The following NBAS variants were observed in gnomAD, a reference collection of about 807,000 sequenced individuals.
NBAS encodes NAG/BC035112 fusion.
Under a neutral mutation model 302.5 loss-of-function variants are expected in NBAS, and 219 were observed. That is an observed-to-expected ratio of 0.72 (90% CI 0.65 to 0.81). The LOEUF is 0.81. NBAS is among the 30% of genes least tolerant of loss of function. NBAS has a pLI of 0.00. For synonymous variants in NBAS, 1,118 were observed against 1,021.6 expected, an observed-to-expected ratio of 1.09 and a Z score of -1.80; for missense variants, 2,932 against 2,841.6, an observed-to-expected ratio of 1.03 and a Z score of -0.72.
the NBAS span, among the ~76,000 whole-genome samples, chr2:15,065,366 C>T: frequency 6.6e-6 from 1 of 152,240 alleles, no homozygotes; most frequent in South Asian, 2.1e-4. Context: ...TCTCTCAGCA[C>T]TTCTACTCAA....
chr2:15,085,428 C>T, the NBAS span, among the ~76,000 whole-genome samples: 1 of 152,248 alleles, frequency 6.6e-6, no homozygotes, highest in South Asian at 2.1e-4. Context: ...GCCTGGGGCC[C>T]GATCCCCTCA....
the NBAS span, among the ~76,000 whole-genome samples, chr2:14,970,559 G>A: frequency 1.9e-3 from 297 of 152,328 alleles, 1 homozygote; most frequent in Admixed American, 4.1e-3. Flanking sequence ...ATAGAACACA[G>A]GAGTAGGCAG....
the NBAS span, among the ~76,000 whole-genome samples, chr2:15,095,319 TG>T: frequency 6.6e-6 from 1 of 152,180 alleles, no homozygotes; most frequent in African/African-American, 2.4e-5. Flanking sequence ...TCCACGTGCC[TG>T]GGGAGGCCTC....
chr2:15,229,347 C>CAAAAAA lies in NBAS; in HGVS notation c.6236+3069_6236+3074dup, dbSNP rs61152926. Among the ~76,000 whole-genome samples the CAAAAAA allele has an allele frequency of 5.1e-4, 39 of 76,914 alleles. 1 individual carries two copies. The highest frequency in any genetic ancestry group is 1.5e-3 in the East Asian group (4 of 2,612). 50.5% of individuals were successfully genotyped at this position (76,914 alleles called of 152,430 possible). ...CACTGCAAGACTCTGTCTCAAAAAA[C>CAAAAAA]AAAAAAAAAAAAAAAAAAAAAAAAA... On this transcript the variant is annotated intron_variant, in intron 47 of 51. Transcript: ENST00000281513.
At chr2:15,328,638 T>C (rs1412637085) in intron 36 of NBAS, among the ~76,000 whole-genome samples, 1 of 152,220 alleles carries the variant, frequency 6.6e-6, no homozygotes, top group Non-Finnish European at 1.5e-5. Context: ...TGAGTTTTTA[T>C]ACTACAGTCA....
chr2:15,170,347 C>A (rs893375305), intron 51 of NBAS, among the ~76,000 whole-genome samples: 4 of 152,220 alleles, frequency 2.6e-5, no homozygotes, highest in Admixed American at 1.3e-4. Context: ...TGGGGAAGGG[C>A]AGGGTAGGCT....
chr2:15,213,927 C>T (rs575607172), intron 48 of NBAS, among the ~76,000 whole-genome samples: 1 of 152,320 alleles, frequency 6.6e-6, no homozygotes, highest in Non-Finnish European at 1.5e-5. Context: ...ATCTCTTGCT[C>T]ATATTGGGAC....
chr2:15,350,664 G>A (rs756714495), intron 35 of NBAS, among the ~76,000 whole-genome samples: 11 of 152,128 alleles, frequency 7.2e-5, no homozygotes, highest in Non-Finnish European at 1.6e-4. Context: ...GAATCTCAAT[G>A]AGGAAAAGGA....
chr2:15,024,028 C>G, the NBAS span, among the ~76,000 whole-genome samples: 2 of 151,778 alleles, frequency 1.3e-5, no homozygotes, highest in East Asian at 3.9e-4. Flanking sequence ...TATAGGTAAA[C>G]TTGTATCTCA....
the NBAS span, among the ~76,000 whole-genome samples, chr2:14,847,133 C>T: frequency 8.5e-5 from 13 of 152,146 alleles, no homozygotes; most frequent in Admixed American, 7.2e-4. Flanking sequence ...CCTGTAATCC[C>T]AGCACTTTCA....
intron 38 of NBAS, among the ~76,000 whole-genome samples, chr2:15,311,760 C>T (rs1671287148): frequency 6.6e-6 from 1 of 152,144 alleles, no homozygotes; most frequent in African/African-American, 2.4e-5. Context: ...TAGATGTTTT[C>T]CTCAACTTAC....
chr2:15,508,934 C>T (rs770475340), intron 10 of NBAS, among the ~76,000 whole-genome samples: 6 of 152,110 alleles, frequency 3.9e-5, no homozygotes, highest in South Asian at 2.1e-4. Flanking sequence ...ACCCGGGAGA[C>T]GGTGGTTGCA....
chr2:15,459,248 G>A (rs1003018664), intron 21 of NBAS, among the ~76,000 whole-genome samples: 3 of 152,074 alleles, frequency 2.0e-5, no homozygotes, highest in Admixed American at 6.5e-5. Context: ...TATCCAAATC[G>A]AAGGAGAAAC....
chr2:15,457,149 ATGC>A (rs1189198641), intron 21 of NBAS, among the ~76,000 whole-genome samples: 4 of 152,224 alleles, frequency 2.6e-5, no homozygotes, highest in African/African-American at 9.7e-5. Flanking sequence ...AGGGGGCTCT[ATGC>A]AAGCCTCCTA....
chr2:15,343,575 G>A (rs1672954930), intron 35 of NBAS, among the ~76,000 whole-genome samples: 1 of 152,018 alleles, frequency 6.6e-6, no homozygotes, highest in Non-Finnish European at 1.5e-5. Flanking sequence ...AGTATCATAA[G>A]ATAAAGAAAA....
At chr2:15,085,256 C>T in the NBAS span, among the ~76,000 whole-genome samples, 2 of 152,124 alleles carry the variant, frequency 1.3e-5, no homozygotes, top group African/African-American at 4.8e-5. Context: ...GCGGCACCCA[C>T]TTCAGGGACC....
At chr2:14,894,353 G>A in the NBAS span, among the ~76,000 whole-genome samples, 5,774 of 152,162 alleles carry the variant, frequency 0.038, 136 homozygotes, top group Non-Finnish European at 0.051. Flanking sequence ...GTACAGGGGG[G>A]CACCAAGAGG....
the NBAS span, among the ~76,000 whole-genome samples, chr2:14,894,862 T>G: frequency 6.6e-6 from 1 of 152,100 alleles, no homozygotes; most frequent in Non-Finnish European, 1.5e-5. Context: ...ATCGAGACCA[T>G]ACTGGCTAAC....
chr2:14,969,916 C>T, the NBAS span, among the ~76,000 whole-genome samples: 3 of 152,110 alleles, frequency 2.0e-5, no homozygotes, highest in Non-Finnish European at 4.4e-5. Context: ...ATCAGAAGGG[C>T]TCCAAATGCA....
Sources: gnomAD v4.1 joint callset for allele counts (sites outside exome capture counted in the v4.1 genomes callset) on GRCh38, gnomAD v4.1.1 for gene constraint, MANE v1.5 for transcripts, NCBI Gene and HGNC (gene_info 2026-07-23, HGNC 2026-07-21) for gene names.